KCNB2: variants seen among roughly 807,000 people sequenced by gnomAD.
KCNB2 encodes the protein delayed rectifier potassium channel protein.
KCNB2 carries 15 observed loss-of-function variants against 61.5 expected under a neutral mutation model. The observed-to-expected ratio is 0.24, with a 90% CI of 0.16 to 0.38. KCNB2 has a LOEUF of 0.38. Among genes scored for constraint, KCNB2 ranks in the 10% least tolerant of loss-of-function variants. KCNB2 has a pLI of 1.00. For synonymous variants in KCNB2, 457 were observed against 446.0 expected (o/e 1.02, Z -0.31); for missense variants, 828 against 1,125.2 (o/e 0.74, Z 3.78).
chr8:72,845,064 A>G (rs1809962563), intron 2 of KCNB2, among the ~76,000 whole-genome samples: 1 of 152,074 alleles, frequency 6.6e-6, no homozygotes, highest in Non-Finnish European at 1.5e-5. Flanking sequence ...GTTTTTCCTC[A>G]TCTTCTTGGA....
chr8:72,732,167 G>A (rs943157542), intron 2 of KCNB2: 2 of 152,264 alleles, frequency 1.3e-5, no homozygotes, highest in African/African-American at 4.8e-5. Context: ...CTTGGGAGTT[G>A]AGCTGTCTGC....
At chr8:72,875,044 AG>A (rs61369934) in intron 2 of KCNB2, 9,881 of 152,264 alleles carry the variant, frequency 0.065, 1,063 homozygotes, top group African/African-American at 0.22. Context: ...AATATTTGTC[AG>A]GGGAGCTGAA....
intron 2 of KCNB2, among the ~76,000 whole-genome samples, chr8:72,762,882 A>AATATATATATATATATATATATATATAT (rs10551590): frequency 7.1e-6 from 1 of 141,616 alleles, no homozygotes; most frequent in African/African-American, 2.6e-5. Flanking sequence ...CATATTAACA[A>AATATATATATATATATATATATATATAT]ATATATATAT....
chr8:72,549,591 A>G (rs907488698), intron 1 of KCNB2, among the ~76,000 whole-genome samples: 2 of 152,244 alleles, frequency 1.3e-5, no homozygotes, highest in African/African-American at 4.8e-5. Flanking sequence ...AGTGGCAATT[A>G]TATAAGGTGA....
At chr8:72,755,894 C>T (rs1223171699) in intron 2 of KCNB2, among the ~76,000 whole-genome samples, 4 of 152,132 alleles carry the variant, frequency 2.6e-5, no homozygotes, top group Non-Finnish European at 4.4e-5. Context: ...GTATAGGAAC[C>T]GGTAGCATCT....
chr8:72,745,078 C>T (rs71525185), intron 2 of KCNB2, among the ~76,000 whole-genome samples: 1 of 152,196 alleles, frequency 6.6e-6, no homozygotes, highest in Non-Finnish European at 1.5e-5. Context: ...CTTTCACCTC[C>T]TGAATTAAAT....
intron 2 of KCNB2, among the ~76,000 whole-genome samples, chr8:72,707,713 C>T (rs1245754776): frequency 2.6e-5 from 4 of 152,296 alleles, no homozygotes; most frequent in South Asian, 4.1e-4. Flanking sequence ...TAAGGTTTAA[C>T]GTTTTTCCTG....
At chr8:72,802,265 A>C (rs2128999754) in intron 2 of KCNB2, among the ~76,000 whole-genome samples, 1 of 152,340 alleles carries the variant, frequency 6.6e-6, no homozygotes. Flanking sequence ...CATGACAAAT[A>C]ACCCCTAAAT....
chr8:72,555,145 A>G (rs1240314015), intron 1 of KCNB2, among the ~76,000 whole-genome samples: 2 of 152,046 alleles, frequency 1.3e-5, no homozygotes, highest in Non-Finnish European at 2.9e-5. Flanking sequence ...GTGAGCAAGA[A>G]ACTTACCTTT....
intron 2 of KCNB2, among the ~76,000 whole-genome samples, chr8:72,630,730 T>C (rs1805865103): frequency 6.6e-6 from 1 of 152,228 alleles, no homozygotes; most frequent in African/African-American, 2.4e-5. Context: ...CCCAAATTAG[T>C]GGCCAGTAAC....
At chr8:72,646,778 T>C (rs1172964212) in intron 2 of KCNB2, among the ~76,000 whole-genome samples, 2 of 152,124 alleles carry the variant, frequency 1.3e-5, no homozygotes, top group African/African-American at 4.8e-5. Context: ...TTTGAGAAAT[T>C]CATTCTAGTA....
intron 2 of KCNB2, among the ~76,000 whole-genome samples, chr8:72,707,741 G>A (rs1388732758): frequency 6.6e-6 from 1 of 152,176 alleles, no homozygotes; most frequent in Admixed American, 6.5e-5. Context: ...TGTTGTTGCT[G>A]TTCTTTTCTA....
intron 1 of KCNB2, among the ~76,000 whole-genome samples, chr8:72,540,043 T>G (rs1481549886): frequency 6.6e-6 from 1 of 152,208 alleles, no homozygotes; most frequent in Non-Finnish European, 1.5e-5. Context: ...TCTACAAATG[T>G]GCAAGTCTGC....
chr8:72,725,557 GTA>G (rs1204734280), intron 2 of KCNB2, among the ~76,000 whole-genome samples: 1 of 55,018 alleles, frequency 1.8e-5, no homozygotes, highest in African/African-American at 6.0e-5. Context: ...ATATATATAT[GTA>G]TATATGTATA....
intron 1 of KCNB2, among the ~76,000 whole-genome samples, chr8:72,546,197 A>C (rs2128976827): frequency 6.6e-6 from 1 of 152,310 alleles, no homozygotes; most frequent in South Asian, 2.1e-4. Flanking sequence ...GGTTTAAAAA[A>C]AAATAAGCCA....
intron 2 of KCNB2, among the ~76,000 whole-genome samples, chr8:72,872,430 C>T (rs964133593): frequency 2.0e-5 from 3 of 152,174 alleles, no homozygotes; most frequent in Non-Finnish European, 2.9e-5. Context: ...CTCCCTTCCC[C>T]ATCACTTCTA....
chr8:72,685,295 G>A (rs1236953206), intron 2 of KCNB2, among the ~76,000 whole-genome samples: 1 of 152,072 alleles, frequency 6.6e-6, no homozygotes, highest in East Asian at 1.9e-4. Flanking sequence ...ACAATTTCAG[G>A]GTTTTTTTTC....
intron 2 of KCNB2, among the ~76,000 whole-genome samples, chr8:72,798,398 T>C (rs559979368): frequency 1.3e-5 from 2 of 152,288 alleles, no homozygotes; most frequent in African/African-American, 4.8e-5. Flanking sequence ...AGGCTCTGTG[T>C]ATATTTCTTA....
chr8:72,699,126 A>G (rs1310554708), intron 2 of KCNB2, among the ~76,000 whole-genome samples: 2 of 152,216 alleles, frequency 1.3e-5, no homozygotes, highest in East Asian at 1.9e-4. Context: ...TATGACATCT[A>G]TAATCTATAA....
Sources: allele counts gnomAD v4.1 joint callset (sites outside exome capture counted in the v4.1 genomes callset), GRCh38; gene constraint gnomAD v4.1.1; transcripts MANE v1.5; gene names NCBI Gene and HGNC (gene_info 2026-07-23, HGNC 2026-07-21).